CNNM2: variants seen among roughly 807,000 people sequenced by gnomAD.
CNNM2 encodes the protein metal transporter CNNM2.
A neutral mutation model predicts 66.9 loss-of-function variants in CNNM2; 12 were observed. That is an observed-to-expected ratio of 0.18 (90% CI 0.11 to 0.29). CNNM2 has a LOEUF of 0.29. Among genes scored for constraint, CNNM2 ranks in the 10% least tolerant of loss-of-function variants. The pLI, the probability that CNNM2 is intolerant of heterozygous loss-of-function variation, is 1.00. For synonymous variants in CNNM2, 557 were observed against 501.8 expected (o/e 1.11, Z -1.47); for missense variants, 705 against 1,167.7 (o/e 0.60, Z 5.77).
chr10:102,953,544 G>T lies in CNNM2; in HGVS notation c.1621+33443G>T, dbSNP rs148255047. Among the ~76,000 whole-genome samples, 193 of 152,090 alleles carry T rather than the reference G, an allele frequency of 1.3e-3. 1 individual carries two copies. The highest frequency in any genetic ancestry group is 4.5e-3 in the African/African-American group (186 of 41,476). ...CCCAAAGTGCTAGGATTACAGGCAT[G>T]AGCCACTGTGCCCGGCCTATTTATT... On this transcript the variant is annotated intron_variant, in intron 1 of 7. Transcript: ENST00000369878.
Position 102,988,106 on chromosome 10 carries a change from C to A in CNNM2, c.1622-61601C>A, listed in dbSNP as rs180892553. ...CTGAGGTCAGGAGTTTGAGACCAGC[C>A]TCGGTAACCTGGTGAAACCCCGTCT... On this transcript the variant is annotated intron_variant, in intron 1 of 7. Coordinates refer to ENST00000369878, the MANE Select transcript of CNNM2 (RefSeq NM_017649.5). 4.5e-3 allele frequency among the ~76,000 whole-genome samples: 691 copies of A among 152,178 alleles called. 25 individuals carry two copies. Among genetic ancestry groups the A allele is most frequent in the Admixed American group, 0.043 (652 of 15,276 alleles).
Position 102,918,674 on chromosome 10 carries a change from C to A in CNNM2, c.194C>A (p.Ala65Glu). ...SCCCGAGGCAAVGENEETVII... is the reference protein window; with the variant it reads ...SCCCGAGGCAEVGENEETVII... The stretch of plus-strand genomic sequence containing the variant: ...TGCTGCGGTGCGGGCGGCTGCGCAG[C>A]GGTGGGCGAGAATGAGGAGACGGTG... Residue 65 changes from alanine (A) to glutamate (E), a missense_variant, in exon 1 of 8, where the codon GCG becomes GAG. By Grantham distance (107) the Ala-to-Glu change is moderately radical. Transcript: ENST00000369878. This position sits in a 1 kb window ranked among gnomAD's most constrained non-coding sequence, Gnocchi z 4.1. 6.4e-7 allele frequency: 1 copy of A among 1,551,974 alleles called. No individual in the cohort carries two copies. Among genetic ancestry groups the A allele is most frequent in the Non-Finnish European group, 8.7e-7 (1 of 1,148,346 alleles).
At chr10:102,958,246 C>T (rs2134200255) in intron 1 of CNNM2, among the ~76,000 whole-genome samples, 1 of 151,826 alleles carries the variant, frequency 6.6e-6, no homozygotes, top group South Asian at 2.1e-4. Context: ...TGAGCCACTG[C>T]ACCTGGCCTG....
rs116050393 is a variant in CNNM2 at position 102,957,002 on chromosome 10, A to T, written c.1621+36901A>T. Among the ~76,000 whole-genome samples, 2,851 of 152,240 alleles carry T rather than the reference A, an allele frequency of 0.019. 67 individuals are homozygous for T. Among genetic ancestry groups the T allele is most frequent in the South Asian group, 0.12 (573 of 4,822 alleles). ...GTATAGTAATAATAATAATTTTTTTAAAAAAGATGGTAAGATTGGCTGGGC... is the reference window on the plus strand; with the variant it reads ...GTATAGTAATAATAATAATTTTTTTTAAAAAGATGGTAAGATTGGCTGGGC... On this transcript the variant is annotated intron_variant, in intron 1 of 7. Coordinates refer to ENST00000369878, the MANE Select transcript of CNNM2 (RefSeq NM_017649.5).
rs757074996 is a variant in CNNM2, at chr10:103,085,403, T to C, written c.*8223T>C. ...ATTTTTCAGTGTGGGGAAGGTTTGCTTGGCAAATCTTCTTTCCAAGTATCT... is the reference window on the plus strand; with the variant it reads ...ATTTTTCAGTGTGGGGAAGGTTTGCCTGGCAAATCTTCTTTCCAAGTATCT... On this transcript the variant is annotated 3_prime_UTR_variant, in exon 8 of 8. Transcript: ENST00000369878. The C allele has an allele frequency of 2.0e-5, 3 of 152,160 alleles. No individual in the cohort carries two copies. Among genetic ancestry groups the C allele is most frequent in the Non-Finnish European group, 4.4e-5 (3 of 68,036 alleles). The allele number at this position is 152,160 out of a possible 1,614,324, so 9.4% of individuals were successfully genotyped here.
rs889048136 is a variant in CNNM2, at chr10:103,081,061, C to G, written c.*3881C>G. The G allele has an allele frequency of 7.9e-5, 12 of 152,204 alleles. No homozygotes were observed. The highest frequency in any genetic ancestry group is 1.3e-4 in the Admixed American group (2 of 15,284). The allele number at this position is 152,204 out of a possible 1,614,324, so 9.4% of individuals were successfully genotyped here. A position where few individuals can be genotyped will look rare whatever the true frequency, so the allele number is the denominator to read the frequency against. ...CCCAGGGGTGATCCTAGGCAGATGA[C>G]TCACCCGGGCTGGCACAGGAAGGTG... On this transcript the variant is annotated 3_prime_UTR_variant, in exon 8 of 8. Coordinates refer to ENST00000369878, the MANE Select transcript of CNNM2 (RefSeq NM_017649.5).
Position 103,077,384 on chromosome 10 carries a change from C to T in CNNM2, c.*204C>T, listed in dbSNP as rs73353833. 7.4e-4 allele frequency: 395 copies of T among 532,734 alleles called. 2 individuals carry two copies. Among genetic ancestry groups the T allele is most frequent in the African/African-American group, 6.6e-3 (352 of 53,260 alleles). 33.0% of individuals were successfully genotyped at this position (532,734 alleles called of 1,614,324 possible). On this transcript the variant is annotated 3_prime_UTR_variant, in exon 8 of 8. Coordinates refer to ENST00000369878, the MANE Select transcript of CNNM2 (RefSeq NM_017649.5). ...AAACGAGAGATGTGAAGTTGGCAGC[C>T]GGGGCATGGCGTTCAAGATTTTGGA...
At position 103,049,688 on chromosome 10, in the gene CNNM2, C is replaced by T; in HGVS notation, c.1622-19C>T. 1 of 1,602,780 alleles carries T rather than the reference C, an allele frequency of 6.2e-7. No individual in the cohort carries two copies. Among genetic ancestry groups the T allele is most frequent in the Non-Finnish European group, 8.5e-7 (1 of 1,174,128 alleles). On this transcript the variant is annotated intron_variant, in intron 1 of 7. Transcript: ENST00000369878. ...AAAATTCAGAAAGTCACTTCCTAAA[C>T]TTTTTCTTGTCTCTAAAGGTAAATC...
At chr10:102,980,075 A>G (rs2063695969) in intron 1 of CNNM2, among the ~76,000 whole-genome samples, 1 of 151,962 alleles carries the variant, frequency 6.6e-6, no homozygotes, top group South Asian at 2.1e-4. Flanking sequence ...CACCAAGCCC[A>G]GCTAAGTTTT....
At chr10:103,025,813 TTTTG>T (rs1189423512) in intron 1 of CNNM2, among the ~76,000 whole-genome samples, 3 of 152,228 alleles carry the variant, frequency 2.0e-5, no homozygotes, top group African/African-American at 4.8e-5. Context: ...GCAGGGATTT[TTTTG>T]TTTAACAGCC....
chr10:103,039,175 C>T lies in CNNM2; in HGVS notation c.1622-10532C>T, dbSNP rs181992152. Among the ~76,000 whole-genome samples, 173 of 151,908 alleles carry T rather than the reference C, an allele frequency of 1.1e-3. 1 individual carries two copies. The East Asian group carries it at 0.02, about 17-fold the overall frequency. On this transcript the variant is annotated intron_variant, in intron 1 of 7. Transcript: ENST00000369878. ...TTGCTTTTTTTTTGAGATGGAGTCT[C>T]GCTCTGTCAGCCAGGCTGGAATGCA...
At position 103,054,527 on chromosome 10, in the gene CNNM2, C is replaced by T. The variant is rs1187801365; in HGVS notation, c.1903+61C>T. On this transcript the variant is annotated intron_variant, in intron 3 of 7. Transcript: ENST00000369878. This position sits in a 1 kb window ranked among gnomAD's most constrained non-coding sequence, Gnocchi z 5.2. The stretch of plus-strand genomic sequence containing the variant: ...AACCCTGAAGCGTGTTTCTCACCCA[C>T]CACTGACTGGGGTGGGTTGGGGGTG... 3.2e-6 allele frequency: 5 copies of T among 1,571,464 alleles called. No individual in the cohort carries two copies. In the African/African-American group the frequency reaches 4.1e-5, roughly 13 times the overall value.
intron 1 of CNNM2, among the ~76,000 whole-genome samples, chr10:103,003,135 A>G (rs1341742651): frequency 1.4e-5 from 2 of 140,686 alleles, no homozygotes; most frequent in South Asian, 4.5e-4. Context: ...TTTTTTTAAT[A>G]GGAGTCTCAC....
rs566721368 is a variant in CNNM2, at chr10:103,078,072, G to T, written c.*892G>T. On this transcript the variant is annotated 3_prime_UTR_variant, in exon 8 of 8. Coordinates refer to ENST00000369878, the MANE Select transcript of CNNM2 (RefSeq NM_017649.5). ...CAGAGTGTCGTCGCCCACCTCCCTG[G>T]TCCTTGCTCTTGTTAACCCAAGATG... 2.0e-5 allele frequency: 3 copies of T among 152,456 alleles called. No homozygotes were observed. The East Asian group carries it at 5.8e-4, about 29-fold the overall frequency. The allele number at this position is 152,456 out of a possible 1,614,324, so 9.4% of individuals were successfully genotyped here.
chr10:102,971,575 T>C (rs112460626), intron 1 of CNNM2, among the ~76,000 whole-genome samples: 341 of 152,328 alleles, frequency 2.2e-3, no homozygotes, highest in African/African-American at 7.7e-3. Context: ...GCTGTTTTTT[T>C]CAGAAATGAA....
chr10:103,008,752 C>CT (rs1244122423), intron 1 of CNNM2, among the ~76,000 whole-genome samples: 2 of 127,314 alleles, frequency 1.6e-5, no homozygotes, highest in African/African-American at 6.1e-5. Flanking sequence ...TCACTCCAGC[C>CT]TGGGTGACAG....
chr10:102,972,603 T>G (rs1301718902), intron 1 of CNNM2, among the ~76,000 whole-genome samples: 1 of 152,194 alleles, frequency 6.6e-6, no homozygotes, highest in Admixed American at 6.5e-5. Flanking sequence ...GCCTCTGCAC[T>G]CCAGCCTGGG....
At chr10:102,930,094 C>T (rs187290037) in intron 1 of CNNM2, among the ~76,000 whole-genome samples, 112 of 152,116 alleles carry the variant, frequency 7.4e-4, no homozygotes, top group African/African-American at 2.5e-3. Flanking sequence ...TGTGTTGCAG[C>T]GTTATCTAGA....
chr10:103,086,016 G>A lies in CNNM2; in HGVS notation c.*8836G>A, dbSNP rs1361870583. 3 of 152,450 alleles carry A rather than the reference G, an allele frequency of 2.0e-5. No individual in the cohort carries two copies. Among genetic ancestry groups the A allele is most frequent in the South Asian group, 2.1e-4 (1 of 4,824 alleles). 9.4% of individuals were successfully genotyped at this position (152,450 alleles called of 1,614,324 possible). A position where few individuals can be genotyped will look rare whatever the true frequency, so the allele number is the denominator to read the frequency against. On this transcript the variant is annotated 3_prime_UTR_variant, in exon 8 of 8. Transcript: ENST00000369878. ...GCGCGAGAACTGTGTGACGTGCTGC[G>A]TTCTTGTTACGGGAGGTGCGTGACG...
Sources: allele counts gnomAD v4.1 joint callset (sites outside exome capture counted in the v4.1 genomes callset), GRCh38; gene constraint gnomAD v4.1.1; non-coding constraint Gnocchi (gnomAD v3.1); transcripts MANE v1.5; gene names NCBI Gene and HGNC (gene_info 2026-07-23, HGNC 2026-07-21).